GALNTL6: variants seen among roughly 807,000 people sequenced by gnomAD.
GALNTL6 encodes the protein polypeptide N-acetylgalactosaminyltransferase-like 6.
In GALNTL6, 46 loss-of-function variants were observed where a neutral mutation model predicts 73.7. That is an observed-to-expected ratio of 0.62 (90% CI 0.49 to 0.80). The LOEUF (loss-of-function observed/expected upper bound fraction) is 0.80, where lower values mean the gene tolerates loss of function less well. Ranked by LOEUF, GALNTL6 falls within the 30% of genes least tolerant of loss-of-function variation. GALNTL6 has a pLI of 0.00. For missense variants in GALNTL6, 604 were observed against 755.0 expected, an observed-to-expected ratio of 0.80 and a Z score of 2.34; for synonymous variants, 259 against 263.7, an observed-to-expected ratio of 0.98 and a Z score of 0.17.
chr4:172,717,435 T>C (rs896525116), intron 5 of GALNTL6, among the ~76,000 whole-genome samples: 4 of 152,198 alleles, frequency 2.6e-5, no homozygotes, highest in Non-Finnish European at 4.4e-5. Context: ...GCAGTCCACA[T>C]GAACTATAGC....
chr4:172,175,184 C>A (rs1381881579), intron 2 of GALNTL6, among the ~76,000 whole-genome samples: 1 of 151,624 alleles, frequency 6.6e-6, no homozygotes, highest in East Asian at 1.9e-4. Context: ...TCAAGTGATT[C>A]TCCTGCCTCA....
intron 2 of GALNTL6, among the ~76,000 whole-genome samples, chr4:172,170,999 A>G (rs111286290): frequency 3.3e-5 from 5 of 152,280 alleles, no homozygotes; most frequent in African/African-American, 1.2e-4. Context: ...AATAACACAC[A>G]TTAGTACCAG....
chr4:171,907,696 A>C lies in GALNTL6; in HGVS notation c.138+92978A>C, dbSNP rs555099820. ...GAGCCCACATCGCCAAGTCAATCCT[A>C]AGCCAAAAGAACAAAGCCAGAGGCA... On this transcript the variant is annotated intron_variant, in intron 2 of 12. Coordinates refer to ENST00000506823, the MANE Select transcript of GALNTL6 (RefSeq NM_001034845.3). 6.5e-4 allele frequency among the ~76,000 whole-genome samples: 98 copies of C among 151,478 alleles called. 4 individuals carry two copies. The highest frequency in any genetic ancestry group is 2.3e-3 in the African/African-American group (95 of 40,774).
intron 5 of GALNTL6, among the ~76,000 whole-genome samples, chr4:172,598,009 A>G (rs560731555): frequency 9.9e-5 from 15 of 151,756 alleles, no homozygotes; most frequent in African/African-American, 3.6e-4. Flanking sequence ...TTCTCTATCC[A>G]TGGCATTTTC....
chr4:172,307,778 G>A (rs897342887), intron 3 of GALNTL6, among the ~76,000 whole-genome samples: 4 of 152,040 alleles, frequency 2.6e-5, no homozygotes, highest in African/African-American at 4.8e-5. Context: ...ATAATTTGAA[G>A]TCAGGTAATG....
At chr4:172,408,561 T>G (rs898758881) in intron 5 of GALNTL6, among the ~76,000 whole-genome samples, 2 of 152,034 alleles carry the variant, frequency 1.3e-5, no homozygotes, top group African/African-American at 4.8e-5. Flanking sequence ...GAAGCAACTC[T>G]ACACATGCAC....
intron 2 of GALNTL6, among the ~76,000 whole-genome samples, chr4:171,902,937 A>G (rs958966852): frequency 2.6e-5 from 4 of 152,172 alleles, no homozygotes; most frequent in African/African-American, 7.2e-5. Flanking sequence ...ATATTTTACC[A>G]CAGTAGGGAG....
intron 5 of GALNTL6, among the ~76,000 whole-genome samples, chr4:172,731,940 G>T (rs1411841799): frequency 6.6e-6 from 1 of 151,874 alleles, no homozygotes; most frequent in South Asian, 2.1e-4. Flanking sequence ...ATTTGCACAG[G>T]CTTGTTTTGT....
chr4:171,955,382 CTATA>C (rs3080342), intron 2 of GALNTL6, among the ~76,000 whole-genome samples: 1 of 111,396 alleles, frequency 9.0e-6, no homozygotes, highest in African/African-American at 4.0e-5. Context: ...ATCTATCTAT[CTATA>C]TATATATATG....
chr4:172,301,623 T>G (rs1739927682), intron 3 of GALNTL6, among the ~76,000 whole-genome samples: 2 of 152,196 alleles, frequency 1.3e-5, no homozygotes, highest in Admixed American at 1.3e-4. Context: ...TGGAGTTTGC[T>G]GGAGGTCCAC....
intron 5 of GALNTL6, among the ~76,000 whole-genome samples, chr4:172,622,392 G>A (rs927720573): frequency 1.3e-5 from 2 of 152,084 alleles, no homozygotes; most frequent in Non-Finnish European, 2.9e-5. Flanking sequence ...AATTATGTAA[G>A]ATTTCATAGA....
intron 5 of GALNTL6, among the ~76,000 whole-genome samples, chr4:172,740,636 T>C (rs1234554629): frequency 6.6e-6 from 1 of 152,184 alleles, no homozygotes; most frequent in African/African-American, 2.4e-5. Flanking sequence ...TCAGCTCTCA[T>C]ATTGTAAACA....
chr4:172,160,765 A>G (rs996377551), intron 2 of GALNTL6, among the ~76,000 whole-genome samples: 3 of 151,826 alleles, frequency 2.0e-5, no homozygotes, highest in Admixed American at 6.6e-5. Context: ...AAATACATGT[A>G]TAGTCATAAA....
intron 2 of GALNTL6, among the ~76,000 whole-genome samples, chr4:172,051,710 T>A (rs549288557): frequency 6.6e-6 from 1 of 152,242 alleles, no homozygotes; most frequent in Non-Finnish European, 1.5e-5. Context: ...TAGGGGAGCA[T>A]GGCGGGCCAA....
chr4:172,998,789 A>G (rs1751908955), intron 10 of GALNTL6, among the ~76,000 whole-genome samples: 1 of 152,000 alleles, frequency 6.6e-6, no homozygotes, highest in Admixed American at 6.6e-5. Context: ...ATTTCTAGCT[A>G]CACTTTCTTT....
chr4:172,380,129 G>T lies in GALNTL6; in HGVS notation c.553+31440G>T. On this transcript the variant is annotated intron_variant, in intron 5 of 12. Coordinates refer to ENST00000506823, the MANE Select transcript of GALNTL6 (RefSeq NM_001034845.3). ...CTGCTCCTCTGCATCATTTGCTAAT[G>T]GATCATCTGGATTTGGAGCACTTAA... 3 of 1,026,186 alleles carry T rather than the reference G, an allele frequency of 2.9e-6. No individual in the cohort carries two copies. The South Asian group carries it at 3.8e-5, about 13-fold the overall frequency. The allele number at this position is 1,026,186 out of a possible 1,614,324, so 63.6% of individuals were successfully genotyped here.
intron 2 of GALNTL6, among the ~76,000 whole-genome samples, chr4:171,819,694 A>G (rs1734632462): frequency 6.6e-6 from 1 of 152,182 alleles, no homozygotes; most frequent in Non-Finnish European, 1.5e-5. Context: ...CAACAATAAC[A>G]TTACAGGCAG....
At chr4:172,812,672 G>A (rs966911060) in intron 6 of GALNTL6, among the ~76,000 whole-genome samples, 13 of 151,950 alleles carry the variant, frequency 8.6e-5, no homozygotes, top group African/African-American at 2.9e-4. Flanking sequence ...GAAAGGTCAG[G>A]TTTAAAATTG....
chr4:172,132,830 T>C (rs772916463), intron 2 of GALNTL6, among the ~76,000 whole-genome samples: 8 of 152,216 alleles, frequency 5.3e-5, no homozygotes, highest in Non-Finnish European at 8.8e-5. Flanking sequence ...TCTCATAATA[T>C]TGCCATCTGA....
Sources: gnomAD v4.1 joint callset for allele counts (sites outside exome capture counted in the v4.1 genomes callset) on GRCh38, gnomAD v4.1.1 for gene constraint, MANE v1.5 for transcripts, NCBI Gene and HGNC (gene_info 2026-07-23, HGNC 2026-07-21) for gene names.